Variants in WDPCP observed in about 807,000 individuals in gnomAD.
The protein encoded by WDPCP is WD repeat-containing and planar cell polarity effector protein fritz homolog.
A neutral mutation model predicts 93.1 loss-of-function variants in WDPCP; 71 were observed. That is an observed-to-expected ratio of 0.76 (90% confidence interval 0.63 to 0.93). The LOEUF (loss-of-function observed/expected upper bound fraction) is 0.93. Ranked by LOEUF, WDPCP falls within the 40% of genes least tolerant of loss-of-function variation. The pLI is 0.00. For synonymous variants in WDPCP, 315 were observed against 315.0 expected, an observed-to-expected ratio of 1.00 and a Z score of 0.00; for missense variants, 844 against 887.4, an observed-to-expected ratio of 0.95 and a Z score of 0.62.
Position 63,652,415 on chromosome 2 carries a change from C to T in WDPCP, n.309-1577G>A, listed in dbSNP as rs151017613. Among the ~76,000 whole-genome samples, 654 of 152,316 alleles carry T rather than the reference C, an allele frequency of 4.3e-3. 4 individuals carry two copies. The highest frequency in any genetic ancestry group is 6.2e-3 in the Non-Finnish European group (425 of 68,026). On this transcript the variant is annotated intron_variant and non_coding_transcript_variant, in intron 2 of 4. Coordinates refer to the WDPCP transcript ENST00000467687. ...AGCCCTCAGCTGAAGCAGATCTCAA[C>T]GCAAGCAAAGGTGTGTTTTTATTTG... is the stretch of plus-strand genomic sequence containing the variant.
At chr2:63,788,825 A>G (rs1324463111) in intron 2 of WDPCP, among the ~76,000 whole-genome samples, 3 of 152,110 alleles carry the variant, frequency 2.0e-5, no homozygotes, top group East Asian at 1.9e-4. Flanking sequence ...TTCTTTACCT[A>G]TCCACTGATA....
chr2:63,391,218 G>T (rs932937631), intron 10 of WDPCP, among the ~76,000 whole-genome samples: 1 of 152,164 alleles, frequency 6.6e-6, no homozygotes. Context: ...TCATCCCTGG[G>T]ATGCAAGGCT....
intron 2 of WDPCP, among the ~76,000 whole-genome samples, chr2:63,811,236 C>T (rs1199731937): frequency 6.6e-6 from 1 of 152,198 alleles, no homozygotes; most frequent in East Asian, 1.9e-4. Flanking sequence ...CTATTCATAC[C>T]TCTCTGAGTG....
intron 9 of WDPCP, among the ~76,000 whole-genome samples, chr2:63,429,637 T>C (rs979651541): frequency 3.3e-5 from 5 of 152,062 alleles, no homozygotes; most frequent in South Asian, 2.1e-4. Context: ...CAAAATGAGA[T>C]ACCATCTCAC....
rs1034416709 is a variant in WDPCP at position 63,793,425 on chromosome 2, T to C, written n.308+20197A>G. On this transcript the variant is annotated intron_variant and non_coding_transcript_variant, in intron 2 of 4. Coordinates refer to the WDPCP transcript ENST00000467687. ...GAGTTCAAGACCAACGTGAGCAAAA[T>C]AGCAAGATCCCATCTCTATTAAAAA... 3.3e-5 allele frequency among the ~76,000 whole-genome samples: 5 copies of C among 152,038 alleles called. No homozygotes were observed. In the East Asian group the frequency reaches 9.6e-4, roughly 29 times the overall value.
intron 13 of WDPCP, among the ~76,000 whole-genome samples, chr2:63,272,200 T>C (rs1682717874): frequency 6.6e-6 from 1 of 152,166 alleles, no homozygotes; most frequent in Admixed American, 6.5e-5. Context: ...CACTAACAAC[T>C]GCAGCCCAAG....
intron 2 of WDPCP, among the ~76,000 whole-genome samples, chr2:63,741,522 A>C (rs1669713473): frequency 6.6e-6 from 1 of 151,928 alleles, no homozygotes; most frequent in South Asian, 2.1e-4. Flanking sequence ...GCCTACTTTG[A>C]ATGATTTCTG....
At chr2:63,722,887 T>G (rs904152410) in intron 2 of WDPCP, among the ~76,000 whole-genome samples, 1 of 151,926 alleles carries the variant, frequency 6.6e-6, no homozygotes, top group Admixed American at 6.5e-5. Flanking sequence ...ATGGTTGCCG[T>G]GTCTGTGTAG....
intron 6 of WDPCP, among the ~76,000 whole-genome samples, chr2:63,470,953 C>T (rs1309940991): frequency 6.6e-6 from 1 of 152,114 alleles, no homozygotes; most frequent in Non-Finnish European, 1.5e-5. Flanking sequence ...TTTACTCCCT[C>T]ACTTCCTTCA....
At chr2:63,376,478 A>G (rs1188282462) in intron 12 of WDPCP, among the ~76,000 whole-genome samples, 2 of 151,974 alleles carry the variant, frequency 1.3e-5, no homozygotes, top group Non-Finnish European at 2.9e-5. Flanking sequence ...GGTTACAAAT[A>G]TGATGCTTAT....
chr2:63,287,098 C>G (rs1684061026), intron 13 of WDPCP, among the ~76,000 whole-genome samples: 1 of 152,194 alleles, frequency 6.6e-6, no homozygotes, highest in African/African-American at 2.4e-5. Context: ...TCTGTGCACA[C>G]CCATTCCTGG....
At chr2:63,657,989 C>T (rs549252644) in intron 2 of WDPCP, among the ~76,000 whole-genome samples, 1 of 152,244 alleles carries the variant, frequency 6.6e-6, no homozygotes, top group East Asian at 1.9e-4. Flanking sequence ...AACTGGTTTT[C>T]CCCCAAGACA....
intron 6 of WDPCP, among the ~76,000 whole-genome samples, chr2:63,463,328 G>A (rs1699142958): frequency 6.6e-6 from 1 of 152,100 alleles, no homozygotes; most frequent in African/African-American, 2.4e-5. Context: ...TAAAGTTGGT[G>A]AATGCTGAGT....
chr2:63,532,503 C>G (rs1023785667), intron 1 of WDPCP, among the ~76,000 whole-genome samples: 3 of 152,176 alleles, frequency 2.0e-5, no homozygotes, highest in African/African-American at 7.2e-5. Flanking sequence ...AGATTAACAG[C>G]GGATCTCTCA....
intron 1 of WDPCP, among the ~76,000 whole-genome samples, chr2:63,551,435 G>C (rs909252437): frequency 6.6e-6 from 1 of 152,094 alleles, no homozygotes; most frequent in Non-Finnish European, 1.5e-5. Flanking sequence ...GTGAGATCGG[G>C]TTATTTAAGA....
chr2:63,180,931 T>C (rs772247666), intron 14 of WDPCP, among the ~76,000 whole-genome samples: 1 of 152,192 alleles, frequency 6.6e-6, no homozygotes, highest in Non-Finnish European at 1.5e-5. Flanking sequence ...TTGTGAGTGA[T>C]GTTAAAAATT....
chr2:63,381,487 G>T (rs1467165996), intron 11 of WDPCP, among the ~76,000 whole-genome samples: 1 of 152,094 alleles, frequency 6.6e-6, no homozygotes, highest in African/African-American at 2.4e-5. Context: ...CTATTGTCTG[G>T]ACAGAGGACT....
At chr2:63,221,392 CT>C (rs1677819457) in intron 14 of WDPCP, among the ~76,000 whole-genome samples, 2 of 152,118 alleles carry the variant, frequency 1.3e-5, no homozygotes, top group Admixed American at 6.6e-5. Context: ...TGGTAGAAAA[CT>C]TTGATGAATG....
intron 17 of WDPCP, among the ~76,000 whole-genome samples, chr2:63,133,157 T>C (rs545725722): frequency 1.1e-4 from 16 of 152,314 alleles, no homozygotes; most frequent in Non-Finnish European, 1.6e-4. Flanking sequence ...AATCTCTGTA[T>C]AGATGGCTGC....
Sources: gnomAD v4.1 joint callset for allele counts (sites outside exome capture counted in the v4.1 genomes callset) on GRCh38, gnomAD v4.1.1 for gene constraint, MANE v1.5 for transcripts, NCBI Gene and HGNC (gene_info 2026-07-23, HGNC 2026-07-21) for gene names.